The following HAGH variants were observed in gnomAD, a reference collection of about 807,000 sequenced individuals.
HAGH encodes hydroxyacylglutathione hydrolase.
HAGH carries 29 observed loss-of-function variants against 35.1 expected under a neutral mutation model. The ratio of observed to expected loss-of-function variants is 0.83; its 90% CI spans 0.62 to 1.13. The LOEUF is 1.13. HAGH is among the 50% of genes most tolerant of loss of function. The probability of loss-of-function intolerance (pLI) is 0.00; values close to 1 mark genes in which losing one functional copy is unlikely to be tolerated. For missense variants in HAGH, 478 were observed against 419.6 expected (o/e 1.14, Z -1.22); for synonymous variants, 225 against 176.1 (o/e 1.28, Z -2.20).
intron 3 of HAGH, chr16:1,822,097 C>T: frequency 1.7e-6 from 1 of 584,650 alleles, no homozygotes. Context: ...TCTCCCCTCA[C>T]CCTCGGGGCC....
chr16:1,826,276 G>A (rs529822205), intron 1 of HAGH, among the ~76,000 whole-genome samples: 18 of 151,388 alleles, frequency 1.2e-4, no homozygotes, highest in Non-Finnish European at 2.4e-4. Context: ...GCGCCGGGCG[G>A]GCAGCTCCAC....
chr16:1,823,549 G>C (rs1898252852), intron 1 of HAGH, among the ~76,000 whole-genome samples: 1 of 151,658 alleles, frequency 6.6e-6, no homozygotes, highest in African/African-American at 2.4e-5. Flanking sequence ...TGACAGGTGT[G>C]AGCCACCGCG....
chr16:1,809,893 G>T (rs1193305676), intron 7 of HAGH, 60 bp from the exon 8 acceptor site: 1 of 1,277,872 alleles, frequency 7.8e-7, no homozygotes, highest in African/African-American at 1.5e-5. Context: ...ACCAGGCACG[G>T]AGGCTCACGT....
At chr16:1,819,265 G>C in intron 4 of HAGH, 42 bp from the exon 5 acceptor site, 1 of 1,321,950 alleles carries the variant, frequency 7.6e-7, no homozygotes, top group Non-Finnish European at 1.1e-6. Context: ...CAGACACCCT[G>C]GAGAGCCATC....
chr16:1,819,975 CTCCAGCTTG>C lies in HAGH; in HGVS notation c.345_353del (p.Lys116_Glu118del), dbSNP rs776035683. 5.6e-6 allele frequency: 9 copies of C among 1,613,562 alleles called. No homozygotes were observed. The highest frequency in any genetic ancestry group is 7.6e-6 in the Non-Finnish European group (9 of 1,179,824). ...CACCCCCGTACACCTTCAGTCCCGACTCCAGCTTGACCAGTTTCTCATTCCCGCCAGCAT... is the reference window on the plus strand; with the variant it reads ...CACCCCCGTACACCTTCAGTCCCGACACCAGTTTCTCATTCCCGCCAGCAT... On this transcript the variant is annotated inframe_deletion, in exon 4 of 9. Coordinates refer to ENST00000397356, the MANE Select transcript of HAGH (RefSeq NM_005326.6).
intron 7 of HAGH, chr16:1,810,432 C>G (rs1213664272): frequency 6.5e-6 from 1 of 153,142 alleles, no homozygotes; most frequent in Non-Finnish European, 1.5e-5. Flanking sequence ...CAGCTGCAGC[C>G]TCACAGCAAG....
At position 1,807,949 on chromosome 16, in the gene HAGH, C is replaced by T. The variant is rs932937548; in HGVS notation, c.*1334G>A. 1.3e-5 allele frequency: 2 copies of T among 152,260 alleles called. No individual in the cohort carries two copies. Among genetic ancestry groups the T allele is most frequent in the Non-Finnish European group, 2.9e-5 (2 of 68,088 alleles). 9.4% of individuals were successfully genotyped at this position (152,260 alleles called of 1,614,324 possible). On this transcript the variant is annotated 3_prime_UTR_variant, in exon 9 of 9. Coordinates refer to ENST00000397356, the MANE Select transcript of HAGH (RefSeq NM_005326.6). ...TGCCCCTCCACTCAGAAGAGTCTGT[C>T]TATAGGACCAGGTGGCAGAGGGTGT...
chr16:1,807,977 G>T lies in HAGH; in HGVS notation c.*1306C>A, dbSNP rs1454278279. The T allele has an allele frequency of 1.3e-5, 2 of 152,296 alleles. No homozygotes were observed. The highest frequency in any genetic ancestry group is 4.8e-5 in the African/African-American group (2 of 41,454). 9.4% of individuals were successfully genotyped at this position (152,296 alleles called of 1,614,324 possible). The stretch of plus-strand genomic sequence containing the variant: ...TAGGACCAGGTGGCAGAGGGTGTGG[G>T]CCCCACACAGAGTCACCTCCCCTCA... On this transcript the variant is annotated 3_prime_UTR_variant, in exon 9 of 9. Coordinates refer to ENST00000397356, the MANE Select transcript of HAGH (RefSeq NM_005326.6).
intron 7 of HAGH, among the ~76,000 whole-genome samples, chr16:1,815,383 T>C (rs1897844672): frequency 6.6e-6 from 1 of 152,222 alleles, no homozygotes; most frequent in Non-Finnish European, 1.5e-5. Flanking sequence ...CAAATGTCCA[T>C]AGCAGCTTTA....
rs543358817 is a variant in HAGH at position 1,820,032 on chromosome 16, G to C, written c.315-18C>G. Reference sequence around the variant, plus strand: ...CATGGTCCCTAGAAGTCAAACAGGAGACCTGGGCTGCCTGCTGAGCTGAGG... The same window carrying C: ...CATGGTCCCTAGAAGTCAAACAGGACACCTGGGCTGCCTGCTGAGCTGAGG... On this transcript the variant is annotated intron_variant, in intron 3 of 8. Coordinates refer to ENST00000397356, the MANE Select transcript of HAGH (RefSeq NM_005326.6). The C allele has an allele frequency of 6.6e-7, 1 of 1,515,272 alleles. No homozygotes were observed. Among genetic ancestry groups the C allele is most frequent in the Non-Finnish European group, 9.1e-7 (1 of 1,094,986 alleles). 93.9% of individuals were successfully genotyped at this position (1,515,272 alleles called of 1,614,324 possible).
At chr16:1,820,803 G>C (rs1157504274) in intron 3 of HAGH, among the ~76,000 whole-genome samples, 1 of 152,160 alleles carries the variant, frequency 6.6e-6, no homozygotes, top group Admixed American at 6.5e-5. Context: ...GCTGCCCTCT[G>C]CCCCTCCCAC....
At chr16:1,817,355 TC>T in intron 5 of HAGH, 84 bp from the exon 6 acceptor site, 1 of 888,970 alleles carries the variant, frequency 1.1e-6, no homozygotes. Flanking sequence ...AGGGTGACAC[TC>T]ACCGGCAAGG....
chr16:1,825,416 C>T (rs1395862644), intron 1 of HAGH, among the ~76,000 whole-genome samples: 1 of 152,164 alleles, frequency 6.6e-6, no homozygotes, highest in African/African-American at 2.4e-5. Flanking sequence ...GTGCCAACAC[C>T]AGCAGAAACC....
chr16:1,821,173 C>T (rs748100431), intron 3 of HAGH, among the ~76,000 whole-genome samples: 4 of 152,144 alleles, frequency 2.6e-5, no homozygotes, highest in African/African-American at 4.8e-5. Flanking sequence ...CTGCAGGCAC[C>T]GCCCCTCAAG....
intron 7 of HAGH, among the ~76,000 whole-genome samples, chr16:1,814,097 C>T (rs1254748118): frequency 6.6e-6 from 1 of 152,212 alleles, no homozygotes; most frequent in Non-Finnish European, 1.5e-5. Flanking sequence ...GACTTTAAAA[C>T]TTCTAGGAAG....
intron 7 of HAGH, among the ~76,000 whole-genome samples, chr16:1,811,592 A>T (rs981902834): frequency 1.3e-5 from 2 of 152,044 alleles, no homozygotes; most frequent in African/African-American, 4.8e-5. Context: ...ACATGTCTGT[A>T]ATTCCAGCTA....
At chr16:1,825,312 A>G (rs901734284) in intron 1 of HAGH, among the ~76,000 whole-genome samples, 7 of 152,152 alleles carry the variant, frequency 4.6e-5, no homozygotes, top group Non-Finnish European at 1.0e-4. Flanking sequence ...GTCATTTACA[A>G]CTGGTGCTCA....
In HAGH at chr16:1,809,796, G is replaced by T; in HGVS notation, c.785C>A (p.Thr262Asn). 2 of 1,613,866 alleles carry T rather than the reference G, an allele frequency of 1.2e-6. No individual in the cohort carries two copies. The highest frequency in any genetic ancestry group is 1.7e-6 in the Non-Finnish European group (2 of 1,179,716). ...GTTGTAGGTAAACTCCTCTGCCAGGGTGGATGGCACTGTGGGCTCCCCGAT... is the reference window on the plus strand; with the variant it reads ...GTTGTAGGTAAACTCCTCTGCCAGGTTGGATGGCACTGTGGGCTCCCCGAT... Reference protein sequence around the residue: ...YSIGEPTVPSTLAEEFTYNPF... With the variant: ...YSIGEPTVPSNLAEEFTYNPF... The change falls in exon 8 of 9, where the codon ACC (threonine) becomes AAC (asparagine). Residue 262 changes from threonine (T) to asparagine (N), a missense_variant. By Grantham distance (65) the Thr-to-Asn change is moderately conservative (BLOSUM62 0). Transcript: ENST00000397356.
chr16:1,826,053 A>G (rs1049508803), intron 1 of HAGH, among the ~76,000 whole-genome samples: 2 of 152,130 alleles, frequency 1.3e-5, no homozygotes, highest in Non-Finnish European at 2.9e-5. Flanking sequence ...GGACCTCAAA[A>G]TCCATGTCCT....
Sources: gnomAD v4.1 joint callset for allele counts (sites outside exome capture counted in the v4.1 genomes callset) on GRCh38, gnomAD v4.1.1 for gene constraint, MANE v1.5 for transcripts, NCBI Gene and HGNC (gene_info 2026-07-23, HGNC 2026-07-21) for gene names.